Variants in MED6 observed in about 807,000 individuals in gnomAD.
The protein encoded by MED6 is mediator complex subunit 6.
In MED6, 33 loss-of-function variants were observed where a neutral mutation model predicts 37.5. That is an observed-to-expected ratio of 0.88 (90% confidence interval 0.67 to 1.18). MED6 has a LOEUF of 1.18. Ranked by LOEUF, MED6 falls within the 50% of genes most tolerant of loss-of-function variation. The pLI is 0.00. For missense variants in MED6, 235 were observed against 290.6 expected, an observed-to-expected ratio of 0.81 and a Z score of 1.39; for synonymous variants, 94 against 93.6, an observed-to-expected ratio of 1.00 and a Z score of -0.02.
intron 2 of MED6, among the ~76,000 whole-genome samples, chr14:70,597,083 A>G (rs1885070085): frequency 2.0e-5 from 3 of 152,232 alleles, no homozygotes; most frequent in African/African-American, 4.8e-5. Context: ...AACTATATAT[A>G]TTACCAAACT....
intron 1 of MED6, among the ~76,000 whole-genome samples, chr14:70,598,064 G>A (rs564576764): frequency 1.3e-5 from 2 of 152,278 alleles, no homozygotes; most frequent in Admixed American, 6.5e-5. Flanking sequence ...GGGGGCTGAG[G>A]TAGGTGGATC....
intron 4 of MED6, 32 bp from the exon 5 acceptor site, chr14:70,593,020 C>A (rs754383815): frequency 9.9e-6 from 16 of 1,610,786 alleles, no homozygotes; most frequent in Non-Finnish European, 1.3e-5. Flanking sequence ...CTAAATTTAT[C>A]ATTAGGTCGA....
chr14:70,592,905 C>T lies in MED6; in HGVS notation c.441G>A (p.Trp147Ter). 6.2e-7 allele frequency: 1 copy of T among 1,613,776 alleles called. No individual in the cohort carries two copies. The highest frequency in any genetic ancestry group is 1.1e-5 in the South Asian group (1 of 91,070). ...CTTGCTCTTCATGATCTTTGAAGTGCCACCAATACCCTTTGGAAGGATGAT... is the reference window on the plus strand; with the variant it reads ...CTTGCTCTTCATGATCTTTGAAGTGTCACCAATACCCTTTGGAAGGATGAT... The part of the protein sequence containing the change: ...CRYHPSKGYW[W>*]HFKDHEEQDK... The change falls in exon 5 of 8, where the codon TGG becomes TGA. Residue 147 changes from tryptophan (W) to a stop codon, truncating the protein, a stop_gained. Coordinates refer to ENST00000256379, the MANE Select transcript of MED6 (RefSeq NM_005466.4). LOFTEE classifies it high-confidence loss of function.
chr14:70,597,468 A>G, intron 2 of MED6, 150 bp downstream of exon 2: 1 of 481,150 alleles, frequency 2.1e-6, no homozygotes, highest in Non-Finnish European at 3.4e-6. Context: ...ACTAATAGTT[A>G]CCCTGCATGT....
chr14:70,593,205 C>A, intron 4 of MED6, 91 bp downstream of exon 4: 2 of 1,307,726 alleles, frequency 1.5e-6, no homozygotes, highest in Non-Finnish European at 2.2e-6. Context: ...TAGCAACTTA[C>A]ACAAGGCAGA....
intron 6 of MED6, among the ~76,000 whole-genome samples, chr14:70,589,929 G>C (rs1201500835): frequency 6.6e-6 from 1 of 152,086 alleles, no homozygotes; most frequent in Non-Finnish European, 1.5e-5. Flanking sequence ...AGCCACAAAT[G>C]CAAGCTATAC....
At position 70,584,802 on chromosome 14, in the gene MED6, T is replaced by C. The variant is rs1190904109; in HGVS notation, c.*11A>G. The C allele has an allele frequency of 3.1e-6, 5 of 1,610,282 alleles. No homozygotes were observed. The South Asian group carries it at 5.5e-5, about 18-fold the overall frequency. ...ATGAGGAGTCTTCCAGGCTTCTCTT[T>C]TGTCCAGTACTCACTGAAGTCTCAT... On this transcript the variant is annotated 3_prime_UTR_variant, in exon 8 of 8. Transcript: ENST00000256379.
In MED6 at chr14:70,584,250, C is replaced by A. The variant is rs1884634638; in HGVS notation, c.*563G>T. On this transcript the variant is annotated 3_prime_UTR_variant, in exon 8 of 8. Coordinates refer to ENST00000256379, the MANE Select transcript of MED6 (RefSeq NM_005466.4). ...CATGATGAAGCAATATATACAAATA[C>A]CTTTATTTTGCTTTTAAACATATCT... 1 of 701,646 alleles carries A rather than the reference C, an allele frequency of 1.4e-6. No homozygotes were observed. Among genetic ancestry groups the A allele is most frequent in the Non-Finnish European group, 2.6e-6 (1 of 391,020 alleles). The allele number at this position is 701,646 out of a possible 1,614,324, so 43.5% of individuals were successfully genotyped here.
At chr14:70,596,793 C>T in intron 2 of MED6, 91 bp from the exon 3 acceptor site, 1 of 928,492 alleles carries the variant, frequency 1.1e-6, no homozygotes, top group South Asian at 1.5e-5. Flanking sequence ...AATGCAGCAA[C>T]ACTTTAAATA....
At chr14:70,594,775 C>G in intron 3 of MED6, 1 of 562,340 alleles carries the variant, frequency 1.8e-6, no homozygotes, top group African/African-American at 1.9e-5. Context: ...GAATGGGAGG[C>G]ATCCAGAACG....
At chr14:70,599,272 A>T (rs1445270254) in intron 1 of MED6, among the ~76,000 whole-genome samples, 1 of 152,204 alleles carries the variant, frequency 6.6e-6, no homozygotes, top group Admixed American at 6.5e-5. Flanking sequence ...TATAAAATAA[A>T]GGAGGAGACA....
intron 6 of MED6, among the ~76,000 whole-genome samples, chr14:70,587,240 T>G (rs920226384): frequency 4.6e-5 from 7 of 152,230 alleles, no homozygotes; most frequent in African/African-American, 1.7e-4. Context: ...ACATAGATTC[T>G]TCCAGACTCT....
rs112233021 is a variant in MED6 at position 70,585,561 on chromosome 14, T to TTTTC, written c.610+194_610+195insGAAA. 6.9e-4 allele frequency among the ~76,000 whole-genome samples: 105 copies of TTTTC among 151,568 alleles called. 2 individuals carry two copies. The highest frequency in any genetic ancestry group is 2.0e-3 in the Admixed American group (30 of 15,244). On this transcript the variant is annotated intron_variant, in intron 7 of 7. Coordinates refer to ENST00000256379, the MANE Select transcript of MED6 (RefSeq NM_005466.4). ...TCCTTAAAACATTATGAGACTTTTT[T>TTTTC]TTTTTTTTCAGCTCATCAGCCATCA...
chr14:70,600,578 C>T (rs2139608342), intron 1 of MED6, 38 bp downstream of exon 1: 2 of 1,612,028 alleles, frequency 1.2e-6, no homozygotes, highest in Non-Finnish European at 1.7e-6. Context: ...AACTGGTCCA[C>T]AGACAATCAA....
chr14:70,594,831 G>T, intron 3 of MED6: 1 of 644,742 alleles, frequency 1.6e-6, no homozygotes, highest in African/African-American at 1.8e-5. Flanking sequence ...TTCAATGCCT[G>T]ACCTCCTACC....
intron 5 of MED6, chr14:70,592,463 G>GTCTCTCC (rs1421040986): frequency 4.8e-5 from 7 of 145,578 alleles, no homozygotes; most frequent in African/African-American, 1.7e-4. Context: ...CCACACCACT[G>GTCTCTCC]TCTCTCCTAT....
At chr14:70,594,606 C>T (rs1176855706) in intron 3 of MED6, 3 of 419,928 alleles carry the variant, frequency 7.1e-6, no homozygotes, top group Admixed American at 2.8e-5. Flanking sequence ...GGGCTCCATC[C>T]AGGCGCCCAG....
At position 70,595,977 on chromosome 14, in the gene MED6, C is replaced by T. The variant is rs1036175500; in HGVS notation, c.274+634G>A. On this transcript the variant is annotated intron_variant, in intron 3 of 7. Transcript: ENST00000256379. Reference sequence around the variant, plus strand: ...AAGAGGTAGCTTTGATGCAGTGAGTCGCTCTGACTGTTAGTGCTTGAAGAG... The same window carrying T: ...AAGAGGTAGCTTTGATGCAGTGAGTTGCTCTGACTGTTAGTGCTTGAAGAG... Among the ~76,000 whole-genome samples, 3 of 152,194 alleles carry T rather than the reference C, an allele frequency of 2.0e-5. No individual in the cohort carries two copies. The South Asian group carries it at 6.2e-4, about 32-fold the overall frequency.
intron 1 of MED6, among the ~76,000 whole-genome samples, chr14:70,598,810 C>T (rs999855072): frequency 6.6e-6 from 1 of 151,926 alleles, no homozygotes; most frequent in African/African-American, 2.4e-5. Context: ...CAAGAGAACA[C>T]ATCTATAGCT....
Sources: gnomAD v4.1 joint callset for allele counts (sites outside exome capture counted in the v4.1 genomes callset) on GRCh38, gnomAD v4.1.1 for gene constraint, MANE v1.5 for transcripts, NCBI Gene and HGNC (gene_info 2026-07-23, HGNC 2026-07-21) for gene names.